CDC27: variants seen among roughly 807,000 people sequenced by gnomAD.
The protein encoded by CDC27 is cell division cycle protein 27 homolog.
In CDC27, 27 loss-of-function variants were observed where a neutral mutation model predicts 109.7. The observed-to-expected ratio is 0.25, with a 90% CI of 0.18 to 0.34. The LOEUF (loss-of-function observed/expected upper bound fraction) is 0.34. Ranked by LOEUF, CDC27 falls within the 10% of genes least tolerant of loss-of-function variation. The probability of loss-of-function intolerance (pLI) is 1.00; values close to 1 mark genes in which losing one functional copy is unlikely to be tolerated. For missense variants in CDC27, 579 were observed against 960.2 expected, an observed-to-expected ratio of 0.60 and a Z score of 5.25; for synonymous variants, 266 against 333.9, an observed-to-expected ratio of 0.80 and a Z score of 2.22.
intron 17 of CDC27, among the ~76,000 whole-genome samples, chr17:47,123,543 T>C (rs1240275953): frequency 1.3e-5 from 2 of 151,844 alleles, no homozygotes; most frequent in Non-Finnish European, 2.9e-5. Context: ...CTGGAGTAGC[T>C]GGGATTACAG....
Position 47,122,490 on chromosome 17 carries a change from A to G in CDC27, c.2346T>C (p.Arg782=). 6.2e-7 allele frequency: 1 copy of G among 1,610,150 alleles called. No individual in the cohort carries two copies. Among genetic ancestry groups the G allele is most frequent in the Non-Finnish European group, 8.5e-7 (1 of 1,177,690 alleles). ...TTGGCTCCTCATCATCTGGAAGATAACGCTTATCAATTGCCTCTTTAATCT... is the reference window on the plus strand; with the variant it reads ...TTGGCTCCTCATCATCTGGAAGATAGCGCTTATCAATTGCCTCTTTAATCT... ...NNQIKEAIDK[R]YLPDDEEPIT... is the part of the protein sequence containing the mutation. The change falls in exon 18 of 19, where the codon CGT becomes CGC. Residue 782 remains arginine, a synonymous_variant. Coordinates refer to ENST00000066544, the MANE Select transcript of CDC27 (RefSeq NM_001256.6).
At chr17:47,180,989 T>C (rs1349777339) in intron 2 of CDC27, among the ~76,000 whole-genome samples, 1 of 135,944 alleles carries the variant, frequency 7.4e-6, no homozygotes, top group Non-Finnish European at 1.6e-5. Flanking sequence ...TGGTGGCCCA[T>C]GAGTATAATC....
intron 16 of CDC27, 61 bp downstream of exon 16, chr17:47,129,332 C>A: frequency 4.1e-6 from 5 of 1,207,230 alleles, no homozygotes; most frequent in South Asian, 1.5e-5. Context: ...TTATTGAAAA[C>A]AAGGGATAAC....
intron 4 of CDC27, among the ~76,000 whole-genome samples, chr17:47,166,359 C>T (rs2063646666): frequency 6.6e-6 from 1 of 152,104 alleles, no homozygotes; most frequent in Admixed American, 6.6e-5. Context: ...AAGAAATTGG[C>T]CCATTTCATC....
Position 47,154,757 on chromosome 17 carries a change from C to G in CDC27, c.872G>C (p.Ser291Thr). The change falls in exon 8 of 19, where the codon AGT becomes ACT. Residue 291 changes from serine (S) to threonine (T), a missense_variant. Ser to Thr is a moderately conservative substitution (Grantham distance 58). Around this residue, in one of 9 missense-constraint regions of CDC27, gnomAD observed 74 missense variants for 148.9 expected, o/e 0.50. Transcript: ENST00000066544. ...SFGILPLETPSPGDGSYLQNY... is the reference protein window; with the variant it reads ...SFGILPLETPTPGDGSYLQNY... ...TTGTAAATAGGATCCATCTCCAGGA[C>G]TTGGGGTTTCTAATGGCAAAATCCC... 6.2e-7 allele frequency: 1 copy of G among 1,606,800 alleles called. No individual in the cohort carries two copies. The highest frequency in any genetic ancestry group is 8.5e-7 in the Non-Finnish European group (1 of 1,174,114).
At chr17:47,141,296 G>C (rs952796420) in intron 12 of CDC27, among the ~76,000 whole-genome samples, 1 of 151,898 alleles carries the variant, frequency 6.6e-6, no homozygotes, top group African/African-American at 2.4e-5. Flanking sequence ...AAGAACTAAG[G>C]GGTAATATAA....
chr17:47,176,808 T>C (rs1293086545), intron 2 of CDC27, among the ~76,000 whole-genome samples: 1 of 152,180 alleles, frequency 6.6e-6, no homozygotes, highest in African/African-American at 2.4e-5. Context: ...TCAATGAAAA[T>C]AGGTGAGTCT....
At chr17:47,179,565 T>C (rs1215529444) in intron 2 of CDC27, among the ~76,000 whole-genome samples, 1 of 152,220 alleles carries the variant, frequency 6.6e-6, no homozygotes, top group African/African-American at 2.4e-5. Context: ...ATTAAATTAG[T>C]AACTAATATT....
At chr17:47,142,805 C>T (rs533750762) in intron 10 of CDC27, among the ~76,000 whole-genome samples, 1 of 152,232 alleles carries the variant, frequency 6.6e-6, no homozygotes, top group African/African-American at 2.4e-5. Context: ...CAGCCTCCCG[C>T]GTAACTGAGA....
intron 5 of CDC27, 149 bp downstream of exon 5, chr17:47,158,057 G>C: frequency 9.7e-6 from 4 of 411,158 alleles, no homozygotes; most frequent in East Asian, 3.6e-5. Context: ...ACATACCGAA[G>C]ATTCTAACTT....
intron 2 of CDC27, among the ~76,000 whole-genome samples, chr17:47,175,037 GAGAGGAAGGA>G (rs1217057341): frequency 5.3e-4 from 72 of 137,024 alleles, no homozygotes; most frequent in East Asian, 2.4e-3. Flanking sequence ...GAAAGAGAGA[GAGAGGAAGGA>G]AGGAAGGAAG....
rs567448286 is a variant in CDC27 at position 47,136,821 on chromosome 17, C to T, written c.1913+331G>A. 3.3e-5 allele frequency among the ~76,000 whole-genome samples: 5 copies of T among 152,270 alleles called. No homozygotes were observed. In the South Asian group the frequency reaches 1.0e-3, roughly 32 times the overall value. The stretch of plus-strand genomic sequence containing the variant: ...TTCCAATTTCCCAAGCACTTTTCAT[C>T]CCAATCACCATTTCGGTGTTCGAAG... On this transcript the variant is annotated intron_variant, in intron 14 of 18. Transcript: ENST00000066544.
At position 47,169,982 on chromosome 17, in the gene CDC27, A is replaced by G; in HGVS notation, c.312T>C (p.Asp104=). The G allele has an allele frequency of 6.3e-7, 1 of 1,595,108 alleles. No individual in the cohort carries two copies. The highest frequency in any genetic ancestry group is 8.5e-7 in the Non-Finnish European group (1 of 1,170,538). ...AATCACCAAACTCAGTAACAATATC[A>G]TCATGGCTTTTCTGCTTATTAAACA... is the stretch of plus-strand genomic sequence containing the variant. ...GGVFNKQKSH[D]DIVTEFGDSA... is the part of the protein sequence containing the mutation. Residue 104 remains aspartate, a synonymous_variant, in exon 4 of 19, where the codon GAT becomes GAC. Coordinates refer to ENST00000066544, the MANE Select transcript of CDC27 (RefSeq NM_001256.6).
intron 9 of CDC27, among the ~76,000 whole-genome samples, chr17:47,147,063 T>C (rs923964302): frequency 5.3e-5 from 8 of 151,672 alleles, no homozygotes; most frequent in African/African-American, 1.9e-4. Context: ...AGACCCTGTC[T>C]CAAAGAAAAA....
chr17:47,172,432 G>C (rs908601685), intron 2 of CDC27, among the ~76,000 whole-genome samples: 1 of 152,000 alleles, frequency 6.6e-6, no homozygotes, highest in Non-Finnish European at 1.5e-5. Context: ...CGGGAGGATA[G>C]AAGTCAAATT....
intron 4 of CDC27, among the ~76,000 whole-genome samples, chr17:47,165,077 T>C (rs188042602): frequency 3.3e-5 from 5 of 152,362 alleles, no homozygotes; most frequent in African/African-American, 1.2e-4. Flanking sequence ...AATGGAATTA[T>C]AGAAACTTCT....
At position 47,118,543 on chromosome 17, in the gene CDC27, A is replaced by G. The variant is rs1347307132; in HGVS notation, c.*2392T>C. ...TGCAAAAGTAATTGCAGGTTTTGCC[A>G]TAAAAGTCATGGCAAAAACCACAAT... On this transcript the variant is annotated 3_prime_UTR_variant, in exon 19 of 19. Transcript: ENST00000066544. The G allele has an allele frequency of 6.6e-6, 1 of 152,640 alleles. No homozygotes were observed. The highest frequency in any genetic ancestry group is 1.5e-5 in the Non-Finnish European group (1 of 68,044). The allele number at this position is 152,640 out of a possible 1,614,324, so 9.5% of individuals were successfully genotyped here.
intron 13 of CDC27, among the ~76,000 whole-genome samples, chr17:47,137,802 TCTC>T (rs2062664306): frequency 8.0e-6 from 1 of 124,256 alleles, no homozygotes; most frequent in Non-Finnish European, 1.8e-5. Flanking sequence ...CCTCATTCTC[TCTC>T]TTTTTTTTTT....
At chr17:47,178,889 G>A (rs1393647763) in intron 2 of CDC27, among the ~76,000 whole-genome samples, 2 of 151,556 alleles carry the variant, frequency 1.3e-5, no homozygotes, top group East Asian at 1.9e-4. Context: ...CGCAACCTCC[G>A]CCTCCCGGGT....
Sources: allele counts gnomAD v4.1 joint callset (sites outside exome capture counted in the v4.1 genomes callset), GRCh38; gene constraint gnomAD v4.1.1; regional missense constraint gnomAD v4.1.1; transcripts MANE v1.5; gene names NCBI Gene and HGNC (gene_info 2026-07-23, HGNC 2026-07-21).